The following PKN3 variants were observed in gnomAD, a reference collection of about 807,000 sequenced individuals.
PKN3 encodes serine/threonine-protein kinase N3.
Under a neutral mutation model 113.1 loss-of-function variants are expected in PKN3, and 91 were observed. The ratio of observed to expected loss-of-function variants is 0.80; its 90% CI spans 0.68 to 0.96. The LOEUF (loss-of-function observed/expected upper bound fraction) is 0.96. PKN3 is among the 40% of genes least tolerant of loss of function. PKN3 has a pLI of 0.00. For missense variants in PKN3, 1,052 were observed against 1,202.2 expected (o/e 0.88, Z 1.85); for synonymous variants, 467 against 499.0 (o/e 0.94, Z 0.85).
intron 15 of PKN3, among the ~76,000 whole-genome samples, chr9:128,716,018 A>G (rs370616593): frequency 0.011 from 1,642 of 149,214 alleles, 25 homozygotes; most frequent in East Asian, 0.044. Flanking sequence ...AAAAAAAAGG[A>G]GGGGGAGGCT....
chr9:128,713,973 C>A, intron 9 of PKN3, 73 bp from the exon 10 acceptor site: 1 of 1,506,148 alleles, frequency 6.6e-7, no homozygotes. Context: ...GCTGTAATCC[C>A]AGGGGCAGAG....
intron 6 of PKN3, among the ~76,000 whole-genome samples, chr9:128,709,100 A>G (rs545666285): frequency 7.5e-4 from 114 of 151,918 alleles, no homozygotes; most frequent in African/African-American, 2.4e-3. Context: ...CCTGGCTAAC[A>G]CGGTGAAACC....
At chr9:128,716,705 G>T in intron 15 of PKN3, 42 bp from the exon 16 acceptor site, 1 of 1,566,358 alleles carries the variant, frequency 6.4e-7, no homozygotes, top group Non-Finnish European at 8.7e-7. Flanking sequence ...ACAGCCCAGG[G>T]AAAGTTTTCC....
At chr9:128,717,834 A>G (rs895594918) in intron 16 of PKN3, among the ~76,000 whole-genome samples, 3 of 147,584 alleles carry the variant, frequency 2.0e-5, no homozygotes, top group African/African-American at 7.5e-5. Flanking sequence ...CCTGGCCAAC[A>G]TGGTGAAACC....
chr9:128,704,086 G>A, intron 1 of PKN3: 1 of 985,348 alleles, frequency 1.0e-6, no homozygotes, highest in Non-Finnish European at 1.2e-6. Flanking sequence ...GTCTGGGGTT[G>A]CGGCCCCTTC....
chr9:128,711,920 T>C lies in PKN3; in HGVS notation c.836-1132T>C, dbSNP rs1425894007. Among the ~76,000 whole-genome samples, 3 of 6,070 alleles carry C rather than the reference T, an allele frequency of 4.9e-4. No individual in the cohort carries two copies. The Non-Finnish European group carries it at 0.071, about 145-fold the overall frequency. 4.0% of individuals were successfully genotyped at this position (6,070 alleles called of 152,430 possible). A position where few individuals can be genotyped will look rare whatever the true frequency, so the allele number is the denominator to read the frequency against. The stretch of plus-strand genomic sequence containing the variant: ...GGCCTCAAGTTTTTGTTTTGTTTGT[T>C]TTTTTTTGAGCTGGAGTCTTGCTCT... On this transcript the variant is annotated intron_variant, in intron 6 of 21. Transcript: ENST00000291906.
At position 128,705,445 on chromosome 9, in the gene PKN3, T is replaced by A; in HGVS notation, c.167T>A (p.Leu56Gln). Residue 56 changes from leucine (L) to glutamine (Q), a missense_variant, in exon 2 of 22, where the codon CTG (leucine) becomes CAG (glutamine). Physicochemically the swap from Leu to Gln is moderately radical, Grantham distance 113. Around this residue, in one of 2 missense-constraint regions of PKN3, gnomAD observed 719 missense variants for 759.4 expected, o/e 0.95. Transcript: ENST00000291906. The part of the protein sequence containing the change: ...DRRHLGHVQQ[L>Q]LRSSNRRLEQ... ...CGCCACTTGGGCCATGTGCAGCAGC[T>A]GCTGCGGTCCTCCAACCGCCGCCTG... 1 of 1,581,358 alleles carries A rather than the reference T, an allele frequency of 6.3e-7. No homozygotes were observed. The highest frequency in any genetic ancestry group is 8.6e-7 in the Non-Finnish European group (1 of 1,164,398).
chr9:128,718,741 C>T, intron 18 of PKN3, 116 bp downstream of exon 18: 1 of 941,694 alleles, frequency 1.1e-6, no homozygotes, highest in Non-Finnish European at 1.7e-6. Context: ...TGCCCTGGTT[C>T]CACCACCCCA....
chr9:128,714,545 C>A lies in PKN3; in HGVS notation c.1482-17C>A. ...CGTCTGCCTGTGCTGGGCACTGTGT[C>A]TACTTTCTCCCTACAGTAATTTCCT... On this transcript the variant is annotated splice_polypyrimidine_tract_variant and intron_variant, in intron 11 of 21. Transcript: ENST00000291906. 1.9e-6 allele frequency: 2 copies of A among 1,032,516 alleles called. No homozygotes were observed. Among genetic ancestry groups the A allele is most frequent in the Non-Finnish European group, 3.1e-6 (2 of 648,786 alleles). 64.0% of individuals were successfully genotyped at this position (1,032,516 alleles called of 1,614,324 possible).
chr9:128,703,301 T>C (rs2132276022), intron 1 of PKN3: 1 of 900,396 alleles, frequency 1.1e-6, no homozygotes, highest in Non-Finnish European at 1.3e-6. Context: ...TTAGCCGGGA[T>C]AGAAAGGCGG....
At chr9:128,717,117 CTTTTTTTTTTTT>C (rs34182369) in intron 16 of PKN3, among the ~76,000 whole-genome samples, 194 bp downstream of exon 16, 1 of 24,364 alleles carries the variant, frequency 4.1e-5, no homozygotes, top group African/African-American at 1.2e-4. Flanking sequence ...CATTAGGTTT[CTTTTTTTTTTTT>C]TTTTTTTTTT....
intron 16 of PKN3, among the ~76,000 whole-genome samples, chr9:128,717,514 C>T (rs1441798682): frequency 6.8e-6 from 1 of 147,356 alleles, no homozygotes; most frequent in Non-Finnish European, 1.5e-5. Context: ...GGTGGATCAC[C>T]TGAGGTCAGG....
chr9:128,718,725 TGCG>T, intron 18 of PKN3, 100 bp downstream of exon 18: 2 of 1,131,372 alleles, frequency 1.8e-6, no homozygotes, highest in African/African-American at 3.0e-5. Context: ...TCTCCTCACC[TGCG>T]GATGCCCTGG....
chr9:128,710,217 C>A (rs546166657), intron 6 of PKN3, among the ~76,000 whole-genome samples: 34 of 152,030 alleles, frequency 2.2e-4, no homozygotes, highest in Admixed American at 2.1e-3. Flanking sequence ...TGTGAGCCAC[C>A]GCGCCCGGCC....
At position 128,713,196 on chromosome 9, in the gene PKN3, C is replaced by T; in HGVS notation, c.980C>T (p.Ala327Val). The T allele has an allele frequency of 6.2e-7, 1 of 1,606,458 alleles. No homozygotes were observed. The highest frequency in any genetic ancestry group is 8.5e-7 in the Non-Finnish European group (1 of 1,174,488). The stretch of plus-strand genomic sequence containing the variant: ...CACCAGCGTGGCCGAGGCGAGCTTG[C>T]CAGTGAGTAGGGAAGGAGCTTCAGG... ...AKHQRGRGEL[A>V]SEVLAVLKVD... Residue 327 changes from alanine to valine, a missense_variant and splice_region_variant, in exon 7 of 22, where the codon GCC (alanine) becomes GTC (valine). By Grantham distance (64) the Ala-to-Val change is moderately conservative. This residue lies in a region of PKN3 where 719 missense variants were observed against 759.4 expected (regional missense o/e 0.95). Transcript: ENST00000291906.
Position 128,720,324 on chromosome 9 carries a change from G to A in PKN3, c.2457+41G>A. The A allele has an allele frequency of 1.2e-6, 2 of 1,612,290 alleles. No homozygotes were observed. The highest frequency in any genetic ancestry group is 2.2e-5 in the East Asian group (1 of 44,848). ...GGCGGTGGTCCCCTGTGCCTGGCAG[G>A]GTAGGTGGCATGGAGTGACTCCTGG... On this transcript the variant is annotated intron_variant, in intron 21 of 21. Coordinates refer to ENST00000291906, the MANE Select transcript of PKN3 (RefSeq NM_013355.5). The surrounding 1 kb of genome is among the most constrained non-coding windows in gnomAD (Gnocchi z 5.5).
At position 128,714,548 on chromosome 9, in the gene PKN3, CT is replaced by C; in HGVS notation, c.1482-11del. 1 of 1,100,036 alleles carries C rather than the reference CT, an allele frequency of 9.1e-7. No individual in the cohort carries two copies. Among genetic ancestry groups the C allele is most frequent in the Non-Finnish European group, 1.4e-6 (1 of 710,448 alleles). 68.1% of individuals were successfully genotyped at this position (1,100,036 alleles called of 1,614,324 possible). On this transcript the variant is annotated splice_polypyrimidine_tract_variant and intron_variant, in intron 11 of 21. Coordinates refer to ENST00000291906, the MANE Select transcript of PKN3 (RefSeq NM_013355.5). ...CTGCCTGTGCTGGGCACTGTGTCTA[CT>C]TTCTCCCTACAGTAATTTCCTGCCC...
At chr9:128,704,580 G>A (rs2132280433) in intron 1 of PKN3, among the ~76,000 whole-genome samples, 1 of 152,236 alleles carries the variant, frequency 6.6e-6, no homozygotes, top group East Asian at 1.9e-4. Context: ...TCTTGACTGT[G>A]GGCAAGTTAC....
chr9:128,716,651 G>A, intron 15 of PKN3, 96 bp from the exon 16 acceptor site: 1 of 942,478 alleles, frequency 1.1e-6, no homozygotes, highest in Non-Finnish European at 1.6e-6. Context: ...TGGCACTTTG[G>A]CTGAGGGCCC....
Sources: gnomAD v4.1 joint callset for allele counts (sites outside exome capture counted in the v4.1 genomes callset) on GRCh38, gnomAD v4.1.1 for gene constraint, gnomAD v4.1.1 regional missense constraint, Gnocchi (gnomAD v3.1) non-coding constraint, MANE v1.5 for transcripts, NCBI Gene and HGNC (gene_info 2026-07-23, HGNC 2026-07-21) for gene names.